Variants in BRD4 observed in about 807,000 individuals in gnomAD.
BRD4 encodes the protein bromodomain-containing protein 4.
A neutral mutation model predicts 142.1 loss-of-function variants in BRD4; 16 were observed. That is an observed-to-expected ratio of 0.11 (90% CI 0.08 to 0.17). The LOEUF is 0.17. Among genes scored for constraint, BRD4 ranks in the 10% least tolerant of loss-of-function variants. BRD4 has a pLI of 1.00. For missense variants in BRD4, 1,424 were observed against 1,810.9 expected (o/e 0.79, Z 3.88); for synonymous variants, 833 against 707.5 (o/e 1.18, Z -2.82).
At chr19:15,241,115 C>T (rs1178872546) in intron 14 of BRD4, among the ~76,000 whole-genome samples, 3 of 152,256 alleles carry the variant, frequency 2.0e-5, no homozygotes, top group Non-Finnish European at 4.4e-5. Context: ...CCAGGCCCAT[C>T]CTGTCCCCGC....
chr19:15,265,942 G>A (rs1411848156), intron 4 of BRD4, among the ~76,000 whole-genome samples: 4 of 152,210 alleles, frequency 2.6e-5, no homozygotes, highest in African/African-American at 9.6e-5. Flanking sequence ...AGCACATGCT[G>A]ACAGGGGACA....
intron 1 of BRD4, among the ~76,000 whole-genome samples, chr19:15,304,535 G>A (rs2047897320): frequency 6.6e-6 from 1 of 152,220 alleles, no homozygotes; most frequent in South Asian, 2.1e-4. Context: ...GCCCTGCCAG[G>A]GGATGTGCTG....
intron 1 of BRD4, among the ~76,000 whole-genome samples, chr19:15,328,200 G>A (rs371481805): frequency 1.8e-4 from 28 of 151,768 alleles, no homozygotes; most frequent in African/African-American, 6.8e-4. Context: ...ACATAGTAAG[G>A]GCTCAAGGAC....
intron 11 of BRD4, chr19:15,247,015 C>T (rs1017650586): frequency 1.5e-4 from 27 of 184,318 alleles, no homozygotes; most frequent in Admixed American, 1.3e-3. Flanking sequence ...GACACCCCCA[C>T]ACAAAACTCT....
intron 1 of BRD4, among the ~76,000 whole-genome samples, chr19:15,313,271 G>A (rs1023525216): frequency 1.3e-5 from 2 of 151,638 alleles, no homozygotes; most frequent in African/African-American, 4.9e-5. Context: ...TACTTGGGAG[G>A]CCGAGGCAGG....
chr19:15,328,946 T>C lies in BRD4; in HGVS notation c.-35+3344A>G, dbSNP rs539972597. Among the ~76,000 whole-genome samples the C allele has an allele frequency of 2.0e-5, 3 of 152,320 alleles. No homozygotes were observed. In the South Asian group the frequency reaches 6.2e-4, roughly 32 times the overall value. On this transcript the variant is annotated intron_variant, in intron 1 of 19. Coordinates refer to ENST00000679869, the MANE Select transcript of BRD4 (RefSeq NM_001379291.1). ...GCGCCACTATGCCCGGCTAATTTTG[T>C]ATTTTTAATAGAGACGTGGTTTCTC...
chr19:15,243,368 G>A lies in BRD4; in HGVS notation c.2701C>T (p.Pro901Ser), dbSNP rs1393147270. ...GGGGGTTGGGCCATGGGGGGCTGTG[G>A]GAGCAGGGGTGTTTGGGTCAAGGCT... is the stretch of plus-strand genomic sequence containing the variant. ...SPALTQTPLL[P>S]QPPMAQPPQV... is the part of the protein sequence containing the mutation. The change falls in exon 14 of 20, where the codon CCA (proline) becomes TCA (serine). Residue 901 changes from proline (P) to serine (S), a missense_variant. Around this residue, in one of 16 missense-constraint regions of BRD4, gnomAD observed 598 missense variants for 647.8 expected, o/e 0.92. Transcript: ENST00000679869. 1 of 1,510,054 alleles carries A rather than the reference G, an allele frequency of 6.6e-7. No homozygotes were observed. The highest frequency in any genetic ancestry group is 2.3e-5 in the Admixed American group (1 of 44,028). 93.5% of individuals were successfully genotyped at this position (1,510,054 alleles called of 1,614,324 possible). A position where few individuals can be genotyped will look rare whatever the true frequency, so the allele number is the denominator to read the frequency against.
intron 14 of BRD4, among the ~76,000 whole-genome samples, chr19:15,241,895 C>T (rs1187736394): frequency 6.6e-6 from 1 of 151,294 alleles, no homozygotes; most frequent in Non-Finnish European, 1.5e-5. Flanking sequence ...TCACTGCAAC[C>T]TCCGCCTCCC....
chr19:15,239,418 GCTC>G lies in BRD4; in HGVS notation c.3547_3549del (p.Glu1183del), dbSNP rs1192473196. 11 of 1,614,192 alleles carry G rather than the reference GCTC, an allele frequency of 6.8e-6. No individual in the cohort carries two copies. Among genetic ancestry groups the G allele is most frequent in the Non-Finnish European group, 7.6e-6 (9 of 1,180,034 alleles). On this transcript the variant is annotated inframe_deletion, in exon 17 of 20. Transcript: ENST00000679869. This position sits in a 1 kb window ranked among gnomAD's most constrained non-coding sequence, Gnocchi z 7.4. ...TTTTTGGGCGCAACTGGAGTCTTCG[GCTC>G]CTGTTTCTGTTTGTCCTTGTCAGGG...
At chr19:15,253,404 C>T in intron 11 of BRD4, 3 of 696,888 alleles carry the variant, frequency 4.3e-6, no homozygotes, top group Non-Finnish European at 7.1e-6. Flanking sequence ...CTACCTGCCT[C>T]CACCTCCCAC....
chr19:15,245,030 G>C, intron 11 of BRD4: 2 of 580,978 alleles, frequency 3.4e-6, no homozygotes, highest in Non-Finnish European at 5.9e-6. Flanking sequence ...CACCACGGTT[G>C]CACCGGAAGC....
At chr19:15,296,822 C>G (rs2047826731) in intron 1 of BRD4, among the ~76,000 whole-genome samples, 1 of 152,210 alleles carries the variant, frequency 6.6e-6, no homozygotes, top group Non-Finnish European at 1.5e-5. Context: ...GTTGTGTTGA[C>G]AGAGACTTCT....
At chr19:15,308,797 C>T (rs908834382) in intron 1 of BRD4, among the ~76,000 whole-genome samples, 13 of 151,560 alleles carry the variant, frequency 8.6e-5, no homozygotes, top group Admixed American at 3.3e-4. Flanking sequence ...GGGAGGATCA[C>T]GAGGTCAGGA....
Position 15,239,983 on chromosome 19 carries a change from G to C in BRD4, c.3209C>G (p.Ser1070Cys). The stretch of plus-strand genomic sequence containing the variant: ...GCTCTGGAACTGTGACATCTGGGGG[G>C]AATGTATCATAAGCGGGGAGGGGGC... ...REAPSPLMIH[S>C]PQMSQFQSLT... Residue 1070 changes from serine (S) to cysteine (C), a missense_variant, in exon 15 of 20, where the codon TCC becomes TGC. By Grantham distance (112) the Ser-to-Cys change is moderately radical (BLOSUM62 -1). This residue lies in a region of BRD4 where 598 missense variants were observed against 647.8 expected (regional missense o/e 0.92). Transcript: ENST00000679869. This position sits in a 1 kb window ranked among gnomAD's most constrained non-coding sequence, Gnocchi z 7.4. 1.9e-6 allele frequency: 3 copies of C among 1,613,760 alleles called. No individual in the cohort carries two copies. The highest frequency in any genetic ancestry group is 2.5e-6 in the Non-Finnish European group (3 of 1,179,944).
intron 1 of BRD4, among the ~76,000 whole-genome samples, chr19:15,290,549 C>T (rs1242813995): frequency 6.6e-6 from 1 of 152,138 alleles, no homozygotes; most frequent in African/African-American, 2.4e-5. Context: ...AAGTATACAC[C>T]TAGAACACCA....
chr19:15,327,311 G>A (rs2048116480), intron 1 of BRD4, among the ~76,000 whole-genome samples: 1 of 152,176 alleles, frequency 6.6e-6, no homozygotes. Context: ...AGCTAAGGTG[G>A]GTGGATCACT....
chr19:15,293,540 C>T (rs769285463), intron 1 of BRD4, among the ~76,000 whole-genome samples: 1 of 152,166 alleles, frequency 6.6e-6, no homozygotes, highest in South Asian at 2.1e-4. Flanking sequence ...GAGCTTTAGC[C>T]GACTCGTGCA....
intron 4 of BRD4, among the ~76,000 whole-genome samples, chr19:15,266,128 C>CCTT (rs1392006159): frequency 2.6e-5 from 4 of 152,236 alleles, no homozygotes. Flanking sequence ...GGACTGCTGC[C>CCTT]CTTCATGACT....
At chr19:15,251,063 T>G (rs562509092) in intron 11 of BRD4, among the ~76,000 whole-genome samples, 1 of 152,164 alleles carries the variant, frequency 6.6e-6, no homozygotes, top group East Asian at 1.9e-4. Context: ...GAGGAAGTGG[T>G]AGGGCTGGCC....
Sources: allele counts gnomAD v4.1 joint callset (sites outside exome capture counted in the v4.1 genomes callset), GRCh38; gene constraint gnomAD v4.1.1; regional missense constraint gnomAD v4.1.1; non-coding constraint Gnocchi (gnomAD v3.1); transcripts MANE v1.5; gene names NCBI Gene and HGNC (gene_info 2026-07-23, HGNC 2026-07-21).